CCDC73: variants seen among roughly 807,000 people sequenced by gnomAD.
CCDC73 encodes coiled-coil domain containing 73.
CCDC73 carries 95 observed loss-of-function variants against 116.5 expected under a neutral mutation model. That is an observed-to-expected ratio of 0.82 (90% CI 0.69 to 0.97). CCDC73 has a LOEUF of 0.97. Ranked by LOEUF, CCDC73 falls within the 50% of genes least tolerant of loss-of-function variation. CCDC73 has a pLI of 0.00. For missense variants in CCDC73, 1,066 were observed against 1,206.8 expected (o/e 0.88, Z 1.73); for synonymous variants, 398 against 401.3 (o/e 0.99, Z 0.10).
At chr11:32,667,253 C>T (rs1565071201) in intron 9 of CCDC73, among the ~76,000 whole-genome samples, 1 of 152,014 alleles carries the variant, frequency 6.6e-6, no homozygotes. Context: ...TATGCCCTGC[C>T]CCTAGAGGTG....
At position 32,654,870 on chromosome 11, in the gene CCDC73, G is replaced by C. The variant is rs199708000; in HGVS notation, c.748C>G (p.Gln250Glu). Residue 250 changes from glutamine to glutamate, a missense_variant, in exon 10 of 18, where the codon CAA becomes GAA. By Grantham distance (29) the Gln-to-Glu change is conservative. Coordinates refer to ENST00000335185, the MANE Select transcript of CCDC73 (RefSeq NM_001008391.4). ...INLTIKEQKF[Q>E]ELQERLNMEL... Reference sequence around the variant, plus strand: ...ATGTTGAGTCTTTCTTGAAGTTCTTGAAATTTTTGTTCTTTAATTGTTAGA... The same window carrying C: ...ATGTTGAGTCTTTCTTGAAGTTCTTCAAATTTTTGTTCTTTAATTGTTAGA... 6.3e-7 allele frequency: 1 copy of C among 1,581,852 alleles called. No individual in the cohort carries two copies. The highest frequency in any genetic ancestry group is 1.8e-5 in the Admixed American group (1 of 54,754).
the CCDC73 span, among the ~76,000 whole-genome samples, chr11:32,801,098 A>G: frequency 6.6e-6 from 1 of 152,164 alleles, no homozygotes; most frequent in Non-Finnish European, 1.5e-5. Context: ...CATCACATTT[A>G]TATACAACAA....
the CCDC73 span, among the ~76,000 whole-genome samples, chr11:32,811,712 CTT>C: frequency 6.6e-6 from 1 of 152,036 alleles, no homozygotes; most frequent in African/African-American, 2.4e-5. Context: ...GTGCTAGACT[CTT>C]TTAAACAACC....
At chr11:32,753,220 A>C (rs550536956) in intron 2 of CCDC73, among the ~76,000 whole-genome samples, 11 of 152,206 alleles carry the variant, frequency 7.2e-5, no homozygotes, top group African/African-American at 2.2e-4. Flanking sequence ...TATGCCCAAG[A>C]ATATAAGAAT....
At chr11:32,821,042 A>G in the CCDC73 span, among the ~76,000 whole-genome samples, 1 of 152,130 alleles carries the variant, frequency 6.6e-6, no homozygotes, top group Non-Finnish European at 1.5e-5. Context: ...ACCATGTCTG[A>G]AAATGTTTAA....
intron 14 of CCDC73, among the ~76,000 whole-genome samples, chr11:32,631,514 G>A (rs1855629774): frequency 6.6e-6 from 1 of 151,670 alleles, no homozygotes; most frequent in Non-Finnish European, 1.5e-5. Flanking sequence ...GGTCAGAGGA[G>A]ACACCACAAG....
the CCDC73 span, among the ~76,000 whole-genome samples, chr11:32,819,317 T>C: frequency 3.5e-3 from 538 of 152,172 alleles, 6 homozygotes; most frequent in African/African-American, 0.012. Context: ...ATTCCAAGAA[T>C]AGACTAGGCC....
chr11:32,758,384 G>C, intron 2 of CCDC73: 1 of 507,786 alleles, frequency 2.0e-6, no homozygotes, highest in Non-Finnish European at 3.9e-6. Context: ...AGAAGGTTAG[G>C]AAAGCACCAA....
chr11:32,649,182 C>T (rs1318913298), intron 12 of CCDC73, among the ~76,000 whole-genome samples: 3 of 151,982 alleles, frequency 2.0e-5, no homozygotes, highest in Non-Finnish European at 4.4e-5. Context: ...AATCCAAATG[C>T]CTCTCTCTTT....
At chr11:32,653,350 T>G in intron 11 of CCDC73, 123 bp from the exon 12 acceptor site, 2 of 538,986 alleles carry the variant, frequency 3.7e-6, no homozygotes, top group Non-Finnish European at 6.3e-6. Flanking sequence ...TTCAATACTT[T>G]ATATTAAACT....
chr11:32,743,699 C>T (rs191188010), intron 2 of CCDC73, among the ~76,000 whole-genome samples: 3 of 152,238 alleles, frequency 2.0e-5, no homozygotes, highest in Admixed American at 2.0e-4. Context: ...CATGACTTGG[C>T]TCTCTGTTTG....
intron 17 of CCDC73, among the ~76,000 whole-genome samples, chr11:32,606,753 T>TA (rs963037783): frequency 4.0e-5 from 6 of 150,278 alleles, no homozygotes; most frequent in South Asian, 2.1e-4. Flanking sequence ...GTTTCATCTG[T>TA]AAAAAAAATT....
intron 6 of CCDC73, among the ~76,000 whole-genome samples, chr11:32,683,940 C>A (rs1047483808): frequency 1.3e-5 from 2 of 152,126 alleles, no homozygotes; most frequent in African/African-American, 2.4e-5. Flanking sequence ...TAGCCCTTCA[C>A]TGAGGAAAAG....
intron 9 of CCDC73, among the ~76,000 whole-genome samples, chr11:32,658,004 C>T (rs1855889470): frequency 6.9e-6 from 1 of 144,244 alleles, no homozygotes; most frequent in South Asian, 2.2e-4. Flanking sequence ...TAAAAACCCA[C>T]CCCCTACCCT....
intron 14 of CCDC73, among the ~76,000 whole-genome samples, chr11:32,620,320 T>C (rs1855512052): frequency 1.3e-5 from 2 of 152,136 alleles, no homozygotes; most frequent in Admixed American, 1.3e-4. Flanking sequence ...CTTTTCATTA[T>C]GGTTGAGAGG....
At chr11:32,606,808 T>A (rs1243785461) in intron 17 of CCDC73, among the ~76,000 whole-genome samples, 3 of 14,066 alleles carry the variant, frequency 2.1e-4, no homozygotes, top group African/African-American at 3.8e-4. Flanking sequence ...AATAAATTCT[T>A]TTTTTTTTTT....
chr11:32,690,837 G>A (rs1445294760), intron 6 of CCDC73, among the ~76,000 whole-genome samples: 4 of 152,100 alleles, frequency 2.6e-5, no homozygotes, highest in Non-Finnish European at 5.9e-5. Flanking sequence ...AGGTACATTT[G>A]TTACAATTAA....
chr11:32,747,479 G>C (rs968062859), intron 2 of CCDC73, among the ~76,000 whole-genome samples: 25 of 152,220 alleles, frequency 1.6e-4, no homozygotes, highest in African/African-American at 5.8e-4. Context: ...AGGCAGGGAT[G>C]TTTAAGTCTG....
chr11:32,730,394 A>G (rs1466643140), intron 2 of CCDC73, among the ~76,000 whole-genome samples: 3 of 152,118 alleles, frequency 2.0e-5, no homozygotes, highest in Non-Finnish European at 4.4e-5. Flanking sequence ...TTCATTTAAG[A>G]TTCACACCTC....
Sources: gnomAD v4.1 joint callset for allele counts (sites outside exome capture counted in the v4.1 genomes callset) on GRCh38, gnomAD v4.1.1 for gene constraint, MANE v1.5 for transcripts, NCBI Gene and HGNC (gene_info 2026-07-23, HGNC 2026-07-21) for gene names.